PRKN: variants seen among roughly 807,000 people sequenced by gnomAD.
The protein encoded by PRKN is parkin RBR E3 ubiquitin protein ligase.
Under a neutral mutation model 59.5 loss-of-function variants are expected in PRKN, and 56 were observed. The observed-to-expected ratio is 0.94, with a 90% CI of 0.76 to 1.18. The LOEUF (loss-of-function observed/expected upper bound fraction) is 1.18. Among genes scored for constraint, PRKN ranks in the 50% most tolerant of loss-of-function variants. The pLI, the probability that PRKN is intolerant of heterozygous loss-of-function variation, is 0.00. For synonymous variants in PRKN, 250 were observed against 222.1 expected, an observed-to-expected ratio of 1.13 and a Z score of -1.12; for missense variants, 657 against 596.4, an observed-to-expected ratio of 1.10 and a Z score of -1.06.
chr6:161,877,764 G>A (rs368813583), intron 6 of PRKN, among the ~76,000 whole-genome samples: 18 of 152,110 alleles, frequency 1.2e-4, no homozygotes, highest in African/African-American at 2.6e-4. Flanking sequence ...CACCACGCCC[G>A]GCCCATATTT....
At chr6:162,261,014 G>A (rs1021921120) in intron 3 of PRKN, among the ~76,000 whole-genome samples, 11 of 152,114 alleles carry the variant, frequency 7.2e-5, no homozygotes, top group African/African-American at 2.7e-4. Context: ...GTACATGTGA[G>A]ACACCCAGAA....
chr6:162,134,429 G>A (rs1189293501), intron 4 of PRKN, among the ~76,000 whole-genome samples: 1 of 152,166 alleles, frequency 6.6e-6, no homozygotes, highest in African/African-American at 2.4e-5. Context: ...AGTTACTGAT[G>A]GAAGAGAACA....
intron 3 of PRKN, among the ~76,000 whole-genome samples, chr6:162,233,015 A>G (rs1007870366): frequency 6.6e-6 from 1 of 152,226 alleles, no homozygotes; most frequent in Non-Finnish European, 1.5e-5. Flanking sequence ...TTGCACAAAT[A>G]TCACCATGAG....
At position 161,354,218 on chromosome 6, in the gene PRKN, G is replaced by A. The variant is rs1784669395; in HGVS notation, c.1286-4007C>T. 6.6e-6 allele frequency among the ~76,000 whole-genome samples: 1 copy of A among 152,180 alleles called. No individual in the cohort carries two copies. Among genetic ancestry groups the A allele is most frequent in the Non-Finnish European group, 1.5e-5 (1 of 68,034 alleles). On this transcript the variant is annotated intron_variant, in intron 11 of 11. Transcript: ENST00000366898. This position sits in a 1 kb window ranked among gnomAD's most constrained non-coding sequence, Gnocchi z 6.7. ...AGAGCTAGACCCAGGCCATGGAGGA[G>A]CATGGAGGACCGCAATTCTAAAAGC...
At chr6:162,668,777 A>G (rs936990734) in intron 1 of PRKN, among the ~76,000 whole-genome samples, 36 of 152,182 alleles carry the variant, frequency 2.4e-4, no homozygotes, top group African/African-American at 8.4e-4. Flanking sequence ...AGTATCTAAT[A>G]GGTAGGCCCA....
At chr6:162,587,525 T>A (rs1328737671) in intron 1 of PRKN, among the ~76,000 whole-genome samples, 5 of 152,120 alleles carry the variant, frequency 3.3e-5, no homozygotes, top group Non-Finnish European at 7.4e-5. Flanking sequence ...CTATCAAAAA[T>A]AAAACATAGA....
intron 7 of PRKN, among the ~76,000 whole-genome samples, chr6:161,668,457 A>C (rs942628222): frequency 1.3e-5 from 2 of 152,130 alleles, no homozygotes; most frequent in African/African-American, 4.8e-5. Flanking sequence ...TACAGGAAAA[A>C]CCCATCTATG....
At chr6:162,672,095 C>A (rs1218793442) in intron 1 of PRKN, among the ~76,000 whole-genome samples, 1 of 152,054 alleles carries the variant, frequency 6.6e-6, no homozygotes, top group East Asian at 1.9e-4. Flanking sequence ...GGTAGAGACT[C>A]CAGATAATAT....
rs1784805242 is a variant in PRKN at position 161,357,440 on chromosome 6, G to A, written c.1285+2648C>T. On this transcript the variant is annotated intron_variant, in intron 11 of 11. Transcript: ENST00000366898. This position sits in a 1 kb window ranked among gnomAD's most constrained non-coding sequence, Gnocchi z 5.5. ...TAAGGCATGGACCCCAGACCTGCTG[G>A]GTAAATTCTCCACCTGCCGTGCCTG... is the stretch of plus-strand genomic sequence containing the variant. Among the ~76,000 whole-genome samples the A allele has an allele frequency of 6.6e-6, 1 of 152,168 alleles. No homozygotes were observed. Among genetic ancestry groups the A allele is most frequent in the Non-Finnish European group, 1.5e-5 (1 of 68,030 alleles).
At chr6:162,377,045 T>A (rs1786145232) in intron 2 of PRKN, among the ~76,000 whole-genome samples, 1 of 152,056 alleles carries the variant, frequency 6.6e-6, no homozygotes, top group Non-Finnish European at 1.5e-5. Flanking sequence ...CAGCTACAGA[T>A]GGGTCCCAAA....
chr6:162,671,646 C>G (rs148012612), intron 1 of PRKN, among the ~76,000 whole-genome samples: 145 of 151,992 alleles, frequency 9.5e-4, no homozygotes, highest in African/African-American at 3.4e-3. Context: ...AAGAATTTAC[C>G]AGTCAATCAT....
intron 1 of PRKN, among the ~76,000 whole-genome samples, chr6:162,615,516 G>A (rs1004658974): frequency 6.6e-6 from 1 of 152,032 alleles, no homozygotes; most frequent in Non-Finnish European, 1.5e-5. Flanking sequence ...CAGAGTGACT[G>A]GAAGGAGCAC....
At chr6:162,593,670 C>T (rs913769692) in intron 1 of PRKN, among the ~76,000 whole-genome samples, 9 of 152,026 alleles carry the variant, frequency 5.9e-5, no homozygotes, top group South Asian at 2.1e-4. Flanking sequence ...CAGGAGCCAG[C>T]GGGCCCAGAG....
chr6:161,541,838 AC>A (rs1034145699), intron 9 of PRKN, among the ~76,000 whole-genome samples: 1 of 152,154 alleles, frequency 6.6e-6, no homozygotes, highest in African/African-American at 2.4e-5. Context: ...AAAAAAAAAA[AC>A]AGTATAATTA....
intron 1 of PRKN, among the ~76,000 whole-genome samples, chr6:162,599,399 C>T (rs1446344666): frequency 6.6e-6 from 1 of 152,074 alleles, no homozygotes; most frequent in African/African-American, 2.4e-5. Context: ...ATTTGCGTGT[C>T]TTTTGTCCAG....
rs1428243610 is a variant in PRKN at position 161,562,762 on chromosome 6, A to T, written c.933+6593T>A. Among the ~76,000 whole-genome samples, 1 of 152,160 alleles carries T rather than the reference A, an allele frequency of 6.6e-6. No homozygotes were observed. Among genetic ancestry groups the T allele is most frequent in the Non-Finnish European group, 1.5e-5 (1 of 68,030 alleles). Reference sequence around the variant, plus strand: ...CAGCCAGTCAGTCACCAAGTCCTTGAATTCTGCCTCTCAAGATTCACTTCT... The same window carrying T: ...CAGCCAGTCAGTCACCAAGTCCTTGTATTCTGCCTCTCAAGATTCACTTCT... On this transcript the variant is annotated intron_variant, in intron 8 of 11. Transcript: ENST00000366898. The surrounding 1 kb of genome is among the most constrained non-coding windows in gnomAD (Gnocchi z 4.3).
At chr6:162,465,438 C>T (rs1334382534) in intron 1 of PRKN, among the ~76,000 whole-genome samples, 1 of 152,028 alleles carries the variant, frequency 6.6e-6, no homozygotes, top group Non-Finnish European at 1.5e-5. Flanking sequence ...TTTCAAGCTG[C>T]AATATACTGT....
intron 1 of PRKN, among the ~76,000 whole-genome samples, chr6:162,651,792 T>G (rs1323535749): frequency 6.6e-6 from 1 of 152,172 alleles, no homozygotes; most frequent in Non-Finnish European, 1.5e-5. Context: ...GTGAATAAAA[T>G]TATTTCATGA....
chr6:162,383,838 G>C (rs1412940336), intron 2 of PRKN, among the ~76,000 whole-genome samples: 1 of 152,182 alleles, frequency 6.6e-6, no homozygotes, highest in African/African-American at 2.4e-5. Flanking sequence ...TGGGTGACTT[G>C]CTGCAGCTTC....
Sources: gnomAD v4.1 joint callset for allele counts (sites outside exome capture counted in the v4.1 genomes callset) on GRCh38, gnomAD v4.1.1 for gene constraint, Gnocchi (gnomAD v3.1) non-coding constraint, MANE v1.5 for transcripts, NCBI Gene and HGNC (gene_info 2026-07-23, HGNC 2026-07-21) for gene names.